The following PCDHGB6 variants were observed in gnomAD, a reference collection of about 807,000 sequenced individuals.
PCDHGB6 encodes the protein protocadherin gamma-B6.
Under a neutral mutation model 59.1 loss-of-function variants are expected in PCDHGB6, and 51 were observed. That is an observed-to-expected ratio of 0.86 (90% CI 0.69 to 1.09). The LOEUF (loss-of-function observed/expected upper bound fraction) is 1.09, where lower values mean the gene tolerates loss of function less well. Ranked by LOEUF, PCDHGB6 falls within the 50% of genes least tolerant of loss-of-function variation. PCDHGB6 has a pLI of 0.00. For synonymous variants in PCDHGB6, 466 were observed against 495.1 expected, an observed-to-expected ratio of 0.94 and a Z score of 0.78; for missense variants, 1,148 against 1,205.1, an observed-to-expected ratio of 0.95 and a Z score of 0.70.
intron 1 of PCDHGB6, among the ~76,000 whole-genome samples, chr5:141,425,025 T>C (rs1416166875): frequency 1.3e-5 from 2 of 152,236 alleles, no homozygotes; most frequent in Non-Finnish European, 2.9e-5. Flanking sequence ...ATTTACCTTA[T>C]GTCATTAGTT....
intron 2 of PCDHGB6, among the ~76,000 whole-genome samples, chr5:141,501,290 T>TAC (rs55762287): frequency 0.12 from 16,682 of 135,960 alleles, 995 homozygotes; most frequent in African/African-American, 0.18. Flanking sequence ...TATTCCCTTA[T>TAC]ACACACACAC....
chr5:141,467,371 A>G, intron 1 of PCDHGB6, among the ~76,000 whole-genome samples: 1 of 151,906 alleles, frequency 6.6e-6, no homozygotes, highest in Non-Finnish European at 1.5e-5. Context: ...GTTTTCTTAT[A>G]TTGCATTTAG....
At position 141,490,551 on chromosome 5, in the gene PCDHGB6, T is replaced by A; in HGVS notation, c.2419-4256T>A. On this transcript the variant is annotated intron_variant, in intron 1 of 3. Coordinates refer to ENST00000520790, the MANE Select transcript of PCDHGB6 (RefSeq NM_018926.3). This position sits in a 1 kb window ranked among gnomAD's most constrained non-coding sequence, Gnocchi z 5.4. ...CTGGTTCACCTTCCCTACACAAACA[T>A]CTCACCATCAGGCTCAACATTTCAG... is the stretch of plus-strand genomic sequence containing the variant. 1 of 1,614,088 alleles carries A rather than the reference T, an allele frequency of 6.2e-7. No individual in the cohort carries two copies. Among genetic ancestry groups the A allele is most frequent in the East Asian group, 2.2e-5 (1 of 44,874 alleles).
intron 1 of PCDHGB6, chr5:141,421,951 A>G: frequency 6.2e-7 from 1 of 1,612,854 alleles, no homozygotes; most frequent in Non-Finnish European, 8.5e-7. Flanking sequence ...TCACATCCCA[A>G]TGTTTACACA....
intron 1 of PCDHGB6, among the ~76,000 whole-genome samples, chr5:141,492,539 G>A (rs1474928199): frequency 1.3e-5 from 2 of 152,200 alleles, no homozygotes; most frequent in African/African-American, 2.4e-5. Context: ...GCCCCGGGCT[G>A]GGCCGGGTCG....
At chr5:141,481,560 G>A (rs1594155886) in intron 1 of PCDHGB6, among the ~76,000 whole-genome samples, 1 of 152,212 alleles carries the variant, frequency 6.6e-6, no homozygotes, top group Non-Finnish European at 1.5e-5. Flanking sequence ...GCTCACGCCT[G>A]TAATCCCAGT....
chr5:141,509,056 G>C (rs1303823294), intron 3 of PCDHGB6, among the ~76,000 whole-genome samples: 1 of 152,178 alleles, frequency 6.6e-6, no homozygotes, highest in Non-Finnish European at 1.5e-5. Flanking sequence ...CCCCCAGAAA[G>C]CTCTCAGCTC....
intron 1 of PCDHGB6, chr5:141,421,333 G>A (rs1458277535): frequency 2.5e-6 from 4 of 1,613,850 alleles, no homozygotes; most frequent in Admixed American, 1.7e-5. Flanking sequence ...CCGATATTCG[G>A]TGCCAGAAGA....
rs768383792 is a variant in PCDHGB6 at position 141,476,155 on chromosome 5, C to A, written c.2419-18652C>A. 1.2e-6 allele frequency: 2 copies of A among 1,612,382 alleles called. No homozygotes were observed. Among genetic ancestry groups the A allele is most frequent in the Non-Finnish European group, 1.7e-6 (2 of 1,179,764 alleles). On this transcript the variant is annotated intron_variant, in intron 1 of 3. Coordinates refer to ENST00000520790, the MANE Select transcript of PCDHGB6 (RefSeq NM_018926.3). This position sits in a 1 kb window ranked among gnomAD's most constrained non-coding sequence, Gnocchi z 7.6. ...CCTGGAGGAGCGGACTGGTAAGCAC[C>A]GGGAGGGTAGTGGGAGTTTTGCTTC... is the stretch of plus-strand genomic sequence containing the variant.
intron 2 of PCDHGB6, among the ~76,000 whole-genome samples, chr5:141,497,541 T>A (rs1157403777): frequency 1.1e-5 from 1 of 89,566 alleles, no homozygotes; most frequent in Admixed American, 1.2e-4. Context: ...GCAACAAACC[T>A]TTTTTTTTTT....
intron 2 of PCDHGB6, among the ~76,000 whole-genome samples, chr5:141,497,213 G>A (rs1313220474): frequency 6.6e-6 from 1 of 152,126 alleles, no homozygotes; most frequent in Non-Finnish European, 1.5e-5. Flanking sequence ...GTGTAATGGG[G>A]GGGGGAAGAT....
chr5:141,487,749 A>G lies in PCDHGB6; in HGVS notation c.2419-7058A>G, dbSNP rs574710316. 3.9e-5 allele frequency: 60 copies of G among 1,557,180 alleles called. No homozygotes were observed. The African/African-American group carries it at 5.6e-4, about 14-fold the overall frequency. ...GTCACCATTTTTGTAAGAGGTAACT[A>G]TGTGGTAGACGCTGTGCTTTGTAAC... is the stretch of plus-strand genomic sequence containing the variant. On this transcript the variant is annotated intron_variant, in intron 1 of 3. Coordinates refer to ENST00000520790, the MANE Select transcript of PCDHGB6 (RefSeq NM_018926.3). The surrounding 1 kb of genome is among the most constrained non-coding windows in gnomAD (Gnocchi z 5.0).
rs1163950013 is a variant in PCDHGB6 at position 141,512,955 on chromosome 5, A to G, written c.*1782A>G. 2 of 152,234 alleles carry G rather than the reference A, an allele frequency of 1.3e-5. No homozygotes were observed. The highest frequency in any genetic ancestry group is 2.9e-5 in the Non-Finnish European group (2 of 68,046). The allele number at this position is 152,234 out of a possible 1,614,324, so 9.4% of individuals were successfully genotyped here. ...GCTTTTTTTCTTCGACAAAAAAATA[A>G]TAAAACGTTTCTTCTGAAAAGCTGA... On this transcript the variant is annotated 3_prime_UTR_variant, in exon 4 of 4. Coordinates refer to ENST00000520790, the MANE Select transcript of PCDHGB6 (RefSeq NM_018926.3).
chr5:141,478,576 G>C (rs543160289), intron 1 of PCDHGB6: 3 of 1,585,598 alleles, frequency 1.9e-6, no homozygotes, highest in Middle Eastern at 3.3e-4. Flanking sequence ...GCTTGACCCT[G>C]TTAGTGCTTT....
rs1019825842 is a variant in PCDHGB6, at chr5:141,408,777, C to T, written c.575C>T (p.Pro192Leu). 22 of 1,611,714 alleles carry T rather than the reference C, an allele frequency of 1.4e-5. No individual in the cohort carries two copies. The highest frequency in any genetic ancestry group is 1.8e-5 in the Non-Finnish European group (21 of 1,178,926). ...GTTAATTCCGATGGTGGCAAATACC[C>T]AGAGTTATCTCTGGAGAAACTCCTA... ...VRVNSDGGKY[P>L]ELSLEKLLDR... The change falls in exon 1 of 4, where the codon CCA (proline) becomes CTA (leucine). Residue 192 changes from proline to leucine, a missense_variant. Pro to Leu is a moderately conservative substitution (Grantham distance 98). Transcript: ENST00000520790.
Position 141,487,229 on chromosome 5 carries a change from G to A in PCDHGB6, c.2419-7578G>A. On this transcript the variant is annotated intron_variant, in intron 1 of 3. Coordinates refer to ENST00000520790, the MANE Select transcript of PCDHGB6 (RefSeq NM_018926.3). The surrounding 1 kb of genome is among the most constrained non-coding windows in gnomAD (Gnocchi z 5.0). ...AGAATCTTCAGCTCCAAGGGAAGGA[G>A]AATCTCGTCTAACCCTCTACTTGGC... is the stretch of plus-strand genomic sequence containing the variant. The A allele has an allele frequency of 6.2e-7, 1 of 1,614,138 alleles. No individual in the cohort carries two copies. The highest frequency in any genetic ancestry group is 8.5e-7 in the Non-Finnish European group (1 of 1,179,994).
Position 141,431,054 on chromosome 5 carries a change from G to T in PCDHGB6, c.2418+20434G>T. 6.2e-7 allele frequency: 1 copy of T among 1,614,198 alleles called. No individual in the cohort carries two copies. The highest frequency in any genetic ancestry group is 8.5e-7 in the Non-Finnish European group (1 of 1,180,004). ...AGACCGGGAGGAGCTCTGTATGGGG[G>T]CCATCAAGTGTCAATTAAATCTAGA... On this transcript the variant is annotated intron_variant, in intron 1 of 3. Transcript: ENST00000520790. This position sits in a 1 kb window ranked among gnomAD's most constrained non-coding sequence, Gnocchi z 4.8.
At chr5:141,466,384 T>C (rs1209046694) in intron 1 of PCDHGB6, among the ~76,000 whole-genome samples, 9 of 152,168 alleles carry the variant, frequency 5.9e-5, no homozygotes, top group Non-Finnish European at 1.3e-4. Context: ...ACCCATCTAA[T>C]GGAAAGTTTG....
In PCDHGB6 at chr5:141,486,836, G is replaced by C; in HGVS notation, c.2419-7971G>C. On this transcript the variant is annotated intron_variant, in intron 1 of 3. Coordinates refer to ENST00000520790, the MANE Select transcript of PCDHGB6 (RefSeq NM_018926.3). This position sits in a 1 kb window ranked among gnomAD's most constrained non-coding sequence, Gnocchi z 5.0. ...CAGCACTGTAACAGTTCGTCTATTT[G>C]TGCTGGACCTCAATGACAATGCTCC... 1 of 1,614,242 alleles carries C rather than the reference G, an allele frequency of 6.2e-7. No individual in the cohort carries two copies. The highest frequency in any genetic ancestry group is 8.5e-7 in the Non-Finnish European group (1 of 1,180,046).
Sources: gnomAD v4.1 joint callset for allele counts (sites outside exome capture counted in the v4.1 genomes callset) on GRCh38, gnomAD v4.1.1 for gene constraint, Gnocchi (gnomAD v3.1) non-coding constraint, MANE v1.5 for transcripts, NCBI Gene and HGNC (gene_info 2026-07-23, HGNC 2026-07-21) for gene names.